The following LSAMP variants were observed in gnomAD, a reference collection of about 807,000 sequenced individuals.
The protein encoded by LSAMP is limbic system associated membrane protein.
A neutral mutation model predicts 38.6 loss-of-function variants in LSAMP; 7 were observed. The observed-to-expected ratio is 0.18, with a 90% confidence interval of 0.10 to 0.34. LSAMP has a LOEUF of 0.34. LSAMP is among the 10% of genes least tolerant of loss of function. The pLI is 1.00. For synonymous variants in LSAMP, 154 were observed against 166.8 expected, an observed-to-expected ratio of 0.92 and a Z score of 0.59; for missense variants, 313 against 420.0, an observed-to-expected ratio of 0.75 and a Z score of 2.23.
chr3:116,017,804 T>G (rs1016381627), intron 3 of LSAMP, among the ~76,000 whole-genome samples: 2 of 152,162 alleles, frequency 1.3e-5, no homozygotes, highest in African/African-American at 2.4e-5. Flanking sequence ...GTAAAACAAT[T>G]AACAATCTCT....
intron 6 of LSAMP, among the ~76,000 whole-genome samples, chr3:115,815,139 C>CAGAGAG (rs547433540): frequency 6.6e-6 from 1 of 151,346 alleles, no homozygotes; most frequent in Non-Finnish European, 1.5e-5. Context: ...ATAAGATGTT[C>CAGAGAG]AGAGAGAGAG....
At chr3:116,007,534 A>C (rs745337698) in intron 3 of LSAMP, among the ~76,000 whole-genome samples, 2 of 152,220 alleles carry the variant, frequency 1.3e-5, no homozygotes, top group Non-Finnish European at 2.9e-5. Flanking sequence ...AAACATCATT[A>C]GAATGTAGAT....
chr3:116,400,420 T>TCCC (rs2048823342), intron 1 of LSAMP, among the ~76,000 whole-genome samples: 1 of 141,232 alleles, frequency 7.1e-6, no homozygotes. Context: ...CTTTCCCTCC[T>TCCC]TCCCTCCCTC....
intron 1 of LSAMP, among the ~76,000 whole-genome samples, chr3:116,164,422 A>C (rs1024999883): frequency 6.6e-6 from 1 of 150,874 alleles, no homozygotes; most frequent in Non-Finnish European, 1.5e-5. Flanking sequence ...GTTGGTGCAA[A>C]CATAATTGCG....
intron 1 of LSAMP, among the ~76,000 whole-genome samples, chr3:116,259,061 ACATTT>A (rs1405218316): frequency 6.6e-6 from 1 of 152,132 alleles, no homozygotes; most frequent in African/African-American, 2.4e-5. Context: ...TTAAATCAGA[ACATTT>A]CAGTTCATGA....
At chr3:116,160,479 GAGGAGAGGAAAAGAGAAGAGAAA>G (rs1488622644) in intron 1 of LSAMP, among the ~76,000 whole-genome samples, 3 of 151,030 alleles carry the variant, frequency 2.0e-5, no homozygotes, top group East Asian at 1.9e-4. Context: ...GAAAAGAGGA[GAGGAGAGGAAAAGAGAAGAGAAA>G]AGGAGAGGAA....
At chr3:115,966,758 T>A (rs1434548533) in intron 3 of LSAMP, among the ~76,000 whole-genome samples, 9 of 152,098 alleles carry the variant, frequency 5.9e-5, no homozygotes, top group Non-Finnish European at 1.5e-5. Flanking sequence ...TGAATAAAAA[T>A]ACAACAACAA....
chr3:116,146,692 A>G (rs1709498185), intron 1 of LSAMP, among the ~76,000 whole-genome samples: 1 of 151,890 alleles, frequency 6.6e-6, no homozygotes, highest in Non-Finnish European at 1.5e-5. Context: ...GCAGGGAAAT[A>G]CCATCTGATT....
chr3:115,873,770 G>C (rs1239951745), intron 3 of LSAMP, among the ~76,000 whole-genome samples: 1 of 152,090 alleles, frequency 6.6e-6, no homozygotes, highest in African/African-American at 2.4e-5. Flanking sequence ...GTTCAAAAGA[G>C]ATAATACATG....
At chr3:116,081,187 G>C (rs757569737) in intron 2 of LSAMP, among the ~76,000 whole-genome samples, 5 of 152,144 alleles carry the variant, frequency 3.3e-5, no homozygotes, top group Non-Finnish European at 7.4e-5. Context: ...ATTGGGGGCC[G>C]GCGAGGTGGC....
intron 1 of LSAMP, among the ~76,000 whole-genome samples, chr3:116,212,487 C>T (rs1183690351): frequency 6.6e-6 from 1 of 151,890 alleles, no homozygotes; most frequent in Non-Finnish European, 1.5e-5. Flanking sequence ...TGCAATTTCA[C>T]TTTTACCATT....
chr3:116,003,052 CTT>C (rs1940048040), intron 3 of LSAMP, among the ~76,000 whole-genome samples: 1 of 152,046 alleles, frequency 6.6e-6, no homozygotes, highest in Admixed American at 6.6e-5. Context: ...TAGCCACTAC[CTT>C]TATCAAGAGC....
intron 1 of LSAMP, among the ~76,000 whole-genome samples, chr3:116,441,999 T>A (rs1039734199): frequency 2.0e-5 from 3 of 152,108 alleles, no homozygotes; most frequent in African/African-American, 7.2e-5. Flanking sequence ...TAGGTATGTA[T>A]ACATGAAGCT....
rs140218704 is a variant in LSAMP, at chr3:115,941,575, A to C, written c.514+77940T>G. Among the ~76,000 whole-genome samples, 902 of 152,222 alleles carry C rather than the reference A, an allele frequency of 5.9e-3. 8 individuals carry two copies. The highest frequency in any genetic ancestry group is 0.021 in the African/African-American group (864 of 41,560). On this transcript the variant is annotated intron_variant, in intron 3 of 6. Coordinates refer to ENST00000490035, the MANE Select transcript of LSAMP (RefSeq NM_002338.5). The stretch of plus-strand genomic sequence containing the variant: ...AAAATTGGCGCACACACACACAGAC[A>C]CACACACAGATACACACACACAATA...
intron 3 of LSAMP, among the ~76,000 whole-genome samples, chr3:116,006,389 G>C (rs1940162201): frequency 6.6e-6 from 1 of 152,146 alleles, no homozygotes; most frequent in African/African-American, 2.4e-5. Context: ...CTCCAGAACT[G>C]TGAGAAAATA....
chr3:116,433,385 T>C (rs1420330752), intron 1 of LSAMP, among the ~76,000 whole-genome samples: 1 of 152,188 alleles, frequency 6.6e-6, no homozygotes, highest in Non-Finnish European at 1.5e-5. Context: ...CAGTAATGCA[T>C]TATTTTATGG....
intron 1 of LSAMP, among the ~76,000 whole-genome samples, chr3:116,232,613 T>C (rs1424546840): frequency 1.3e-5 from 2 of 151,982 alleles, no homozygotes; most frequent in Non-Finnish European, 2.9e-5. Flanking sequence ...GGAAAATCAA[T>C]CCTACCTCCA....
chr3:115,983,308 G>C (rs1939417487), intron 3 of LSAMP, among the ~76,000 whole-genome samples: 1 of 152,032 alleles, frequency 6.6e-6, no homozygotes, highest in African/African-American at 2.4e-5. Context: ...TCAACACCCA[G>C]AGTTCAGGGC....
chr3:115,845,329 G>A (rs965892424), intron 4 of LSAMP, among the ~76,000 whole-genome samples: 2 of 152,134 alleles, frequency 1.3e-5, no homozygotes, highest in African/African-American at 4.8e-5. Context: ...TATGAATTTT[G>A]TTTGTTCAAT....
Sources: gnomAD v4.1 joint callset for allele counts (sites outside exome capture counted in the v4.1 genomes callset) on GRCh38, gnomAD v4.1.1 for gene constraint, MANE v1.5 for transcripts, NCBI Gene and HGNC (gene_info 2026-07-23, HGNC 2026-07-21) for gene names.